RPRD2: variants seen among roughly 807,000 people sequenced by gnomAD.
RPRD2 encodes regulation of nuclear pre-mRNA domain containing 2.
In RPRD2, 12 loss-of-function variants were observed where a neutral mutation model predicts 104.4. The ratio of observed to expected loss-of-function variants is 0.11; its 90% CI spans 0.07 to 0.19. The LOEUF is 0.19. RPRD2 is among the 10% of genes least tolerant of loss of function. The pLI is 1.00. For synonymous variants in RPRD2, 714 were observed against 684.9 expected, an observed-to-expected ratio of 1.04 and a Z score of -0.66; for missense variants, 1,543 against 1,790.1, an observed-to-expected ratio of 0.86 and a Z score of 2.49.
rs756582436 is a variant in RPRD2, at chr1:150,471,963, G to A, written c.3015G>A (p.Ser1005=). Residue 1005 remains serine, a synonymous_variant, in exon 11 of 11, where the codon TCG becomes TCA. Transcript: ENST00000369068. The surrounding 1 kb of genome is among the most constrained non-coding windows in gnomAD (Gnocchi z 5.3). ...TGGCCTCCACCATTTCCACCACGTC[G>A]ACGATTGAATTTAAGAATATGCTTA... is the stretch of plus-strand genomic sequence containing the variant. The part of the protein sequence containing the change: ...KVLASTISTT[S]TIEFKNMLKN... 1 of 1,613,914 alleles carries A rather than the reference G, an allele frequency of 6.2e-7. No individual in the cohort carries two copies. The highest frequency in any genetic ancestry group is 8.5e-7 in the Non-Finnish European group (1 of 1,179,880).
At chr1:150,455,164 A>G (rs959265577) in intron 7 of RPRD2, among the ~76,000 whole-genome samples, 2 of 152,154 alleles carry the variant, frequency 1.3e-5, no homozygotes, top group African/African-American at 4.8e-5. Context: ...ACAGTCTACA[A>G]AATACCTGAC....
chr1:150,366,751 C>T (rs1659873550), intron 1 of RPRD2, among the ~76,000 whole-genome samples: 1 of 152,140 alleles, frequency 6.6e-6, no homozygotes, highest in Non-Finnish European at 1.5e-5. Context: ...TGATATATTG[C>T]AAACAGTTCT....
intron 1 of RPRD2, among the ~76,000 whole-genome samples, chr1:150,365,597 CT>C (rs200042685): frequency 6.6e-6 from 1 of 151,302 alleles, no homozygotes; most frequent in Non-Finnish European, 1.5e-5. Flanking sequence ...TCCAGTTCCT[CT>C]TTTTTTTTGA....
chr1:150,412,493 G>A (rs995229171), intron 1 of RPRD2, among the ~76,000 whole-genome samples: 9 of 152,078 alleles, frequency 5.9e-5, no homozygotes, highest in Non-Finnish European at 1.0e-4. Context: ...CACTGAAAAC[G>A]GTTTAGGATG....
At position 150,460,088 on chromosome 1, in the gene RPRD2, G is replaced by A; in HGVS notation, c.1182G>A (p.Glu394=). 1 of 1,613,956 alleles carries A rather than the reference G, an allele frequency of 6.2e-7. No homozygotes were observed. The highest frequency in any genetic ancestry group is 1.1e-5 in the South Asian group (1 of 91,078). Residue 394 remains glutamate, a synonymous_variant, in exon 9 of 11, where the codon GAG becomes GAA. Coordinates refer to ENST00000369068, the MANE Select transcript of RPRD2 (RefSeq NM_015203.5). ...IVEDRKEKPA[E]KSAVSTSVPT... is the part of the protein sequence containing the mutation. The stretch of plus-strand genomic sequence containing the variant: ...AGGACAGGAAGGAAAAACCTGCAGA[G>A]AAGTCAGCTGTATCCACTTCTGTAC...
chr1:150,393,104 A>T lies in RPRD2; in HGVS notation c.206-24492A>T, dbSNP rs1662213878. The stretch of plus-strand genomic sequence containing the variant: ...ATAGAAAAGTTAAAAGGCAGTTACT[A>T]ACCAAAAACAATAAAAAACATACCG... On this transcript the variant is annotated intron_variant, in intron 1 of 10. Coordinates refer to ENST00000369068, the MANE Select transcript of RPRD2 (RefSeq NM_015203.5). 2.6e-5 allele frequency among the ~76,000 whole-genome samples: 4 copies of T among 152,166 alleles called. No homozygotes were observed. The South Asian group carries it at 8.3e-4, about 32-fold the overall frequency.
In RPRD2 at chr1:150,364,933, G is replaced by A; in HGVS notation, c.205+14G>A. The A allele has an allele frequency of 6.2e-7, 1 of 1,612,916 alleles. No homozygotes were observed. On this transcript the variant is annotated intron_variant, in intron 1 of 10. Transcript: ENST00000369068. ...GGCTCCGGAGATGTGAGTGTTGGGGGTGACTAGGGAAGGGAAGACTGGGGA... is the reference window on the plus strand; with the variant it reads ...GGCTCCGGAGATGTGAGTGTTGGGGATGACTAGGGAAGGGAAGACTGGGGA...
intron 1 of RPRD2, among the ~76,000 whole-genome samples, chr1:150,391,980 G>A (rs1215567831): frequency 1.3e-5 from 2 of 152,004 alleles, no homozygotes; most frequent in Non-Finnish European, 2.9e-5. Flanking sequence ...AGTGGACTGG[G>A]CATGGTGGTG....
At position 150,399,265 on chromosome 1, in the gene RPRD2, A is replaced by G. The variant is rs183981645; in HGVS notation, c.206-18331A>G. Among the ~76,000 whole-genome samples, 7 of 152,292 alleles carry G rather than the reference A, an allele frequency of 4.6e-5. No homozygotes were observed. The East Asian group carries it at 9.7e-4, about 21-fold the overall frequency. On this transcript the variant is annotated intron_variant, in intron 1 of 10. Transcript: ENST00000369068. ...GCAATCCTCCCACCTTGGCCTCCCA[A>G]AGTGCTGGGATTACAGGCATAGAAG...
At chr1:150,421,503 A>G (rs372534770) in intron 2 of RPRD2, among the ~76,000 whole-genome samples, 2 of 152,168 alleles carry the variant, frequency 1.3e-5, no homozygotes, top group East Asian at 3.8e-4. Flanking sequence ...GTGGAAGGAT[A>G]AATATCCAAG....
chr1:150,401,791 C>T (rs1663037858), intron 1 of RPRD2, among the ~76,000 whole-genome samples: 1 of 150,804 alleles, frequency 6.6e-6, no homozygotes, highest in Non-Finnish European at 1.5e-5. Flanking sequence ...CTACAGGCAC[C>T]CGCCACCACG....
At chr1:150,447,134 C>T (rs1553895720) in intron 7 of RPRD2, among the ~76,000 whole-genome samples, 1 of 151,584 alleles carries the variant, frequency 6.6e-6, no homozygotes, top group African/African-American at 2.4e-5. Flanking sequence ...CGTGCCCGGC[C>T]CAATTTTTGT....
At chr1:150,416,872 C>CCA (rs1553888666) in intron 1 of RPRD2, among the ~76,000 whole-genome samples, 9 of 72,428 alleles carry the variant, frequency 1.2e-4, no homozygotes, top group African/African-American at 4.5e-4. Context: ...ACTCCATCTC[C>CCA]AAAAAAAAAA....
rs182289708 is a variant in RPRD2 at position 150,460,335 on chromosome 1, G to A, written c.1411+18G>A. On this transcript the variant is annotated intron_variant, in intron 9 of 10. Coordinates refer to ENST00000369068, the MANE Select transcript of RPRD2 (RefSeq NM_015203.5). ...AAATACTGGTAAGTAAGCCCAGTAA[G>A]GAGGATAAAAAGTTAATTTCCATCT... 1 of 1,593,124 alleles carries A rather than the reference G, an allele frequency of 6.3e-7. No homozygotes were observed. The highest frequency in any genetic ancestry group is 1.3e-5 in the African/African-American group (1 of 74,666).
intron 2 of RPRD2, among the ~76,000 whole-genome samples, chr1:150,430,544 C>G (rs1553891435): frequency 1.3e-5 from 2 of 152,076 alleles, no homozygotes. Flanking sequence ...TGTGTACTTA[C>G]AGTCCCAGCT....
rs1553897762 is a variant in RPRD2 at position 150,457,272 on chromosome 1, C to G, written c.871-16C>G. ...TGGTCTTTTTCCAAGGAGTAAACTC[C>G]TTTTTTCTCTTTTAGGCATATAAAA... On this transcript the variant is annotated splice_polypyrimidine_tract_variant and intron_variant, in intron 7 of 10. Coordinates refer to ENST00000369068, the MANE Select transcript of RPRD2 (RefSeq NM_015203.5). 6.3e-7 allele frequency: 1 copy of G among 1,599,116 alleles called. No individual in the cohort carries two copies. The highest frequency in any genetic ancestry group is 8.5e-7 in the Non-Finnish European group (1 of 1,173,852).
chr1:150,390,986 A>G (rs1476248306), intron 1 of RPRD2, among the ~76,000 whole-genome samples: 1 of 152,210 alleles, frequency 6.6e-6, no homozygotes, highest in Non-Finnish European at 1.5e-5. Context: ...AAAGTCAAAG[A>G]GAAGCTCTTA....
intron 1 of RPRD2, among the ~76,000 whole-genome samples, chr1:150,375,608 T>G (rs1660627111): frequency 6.6e-6 from 1 of 152,206 alleles, no homozygotes; most frequent in Non-Finnish European, 1.5e-5. Context: ...TCTTAATGAT[T>G]TGGCTTCCTG....
At chr1:150,374,607 T>G (rs1206962610) in intron 1 of RPRD2, among the ~76,000 whole-genome samples, 1 of 152,168 alleles carries the variant, frequency 6.6e-6, no homozygotes, top group Non-Finnish European at 1.5e-5. Context: ...AGAATTGAAT[T>G]GGAGGGCACC....
Sources: gnomAD v4.1 joint callset for allele counts (sites outside exome capture counted in the v4.1 genomes callset) on GRCh38, gnomAD v4.1.1 for gene constraint, Gnocchi (gnomAD v3.1) non-coding constraint, MANE v1.5 for transcripts, NCBI Gene and HGNC (gene_info 2026-07-23, HGNC 2026-07-21) for gene names.